Variants in RIGI observed in about 807,000 individuals in gnomAD.
RIGI encodes RNA sensor RIG-I.
At chr9:32,524,596 G>GTTTTTTTTTTTTTTTTT in the RIGI span, among the ~76,000 whole-genome samples, 21 of 67,582 alleles carry the variant, frequency 3.1e-4, 1 homozygote, top group Non-Finnish European at 4.2e-4. Flanking sequence ...TTGTTTTTCG[G>GTTTTTTTTTTTTTTTTT]TTTTTTTTTT....
chr9:32,496,555 T>C, the RIGI span, among the ~76,000 whole-genome samples: 1 of 152,330 alleles, frequency 6.6e-6, no homozygotes, highest in African/African-American at 2.4e-5. Flanking sequence ...GCCTTCAGAC[T>C]CTGAATTACA....
the RIGI span, chr9:32,459,269 T>A: frequency 1.5e-6 from 2 of 1,349,132 alleles, no homozygotes; most frequent in South Asian, 2.6e-5. Flanking sequence ...ATGGCCACAG[T>A]AACAATGGAA....
chr9:32,502,144 T>A, the RIGI span, among the ~76,000 whole-genome samples: 1 of 152,204 alleles, frequency 6.6e-6, no homozygotes, highest in African/African-American at 2.4e-5. Context: ...GCCTCTTACT[T>A]TGCATAATGT....
the RIGI span, chr9:32,494,074 G>T: frequency 1.5e-6 from 1 of 682,730 alleles, no homozygotes; most frequent in East Asian, 3.0e-5. Context: ...ACCCCCAATT[G>T]TCATTGATTT....
the RIGI span, among the ~76,000 whole-genome samples, chr9:32,465,896 T>C: frequency 6.6e-6 from 1 of 152,228 alleles, no homozygotes; most frequent in African/African-American, 2.4e-5. Context: ...AAGGTGTATA[T>C]CATTGTCCAC....
the RIGI span, among the ~76,000 whole-genome samples, chr9:32,524,741 T>C: frequency 2.6e-5 from 4 of 151,350 alleles, no homozygotes; most frequent in Non-Finnish European, 5.9e-5. Context: ...TAGCTGGGAC[T>C]ACAGGAGTGC....
chr9:32,513,400 GA>G, the RIGI span, among the ~76,000 whole-genome samples: 1 of 152,168 alleles, frequency 6.6e-6, no homozygotes, highest in African/African-American at 2.4e-5. Flanking sequence ...CAATGGAACA[GA>G]ACAGTCATCA....
At chr9:32,482,411 A>G in the RIGI span, among the ~76,000 whole-genome samples, 19,941 of 152,196 alleles carry the variant, frequency 0.13, 1,361 homozygotes, top group Middle Eastern at 0.3. Context: ...ATTCAAACCC[A>G]CATGTGTCAG....
chr9:32,517,366 T>C, the RIGI span, among the ~76,000 whole-genome samples: 209 of 152,348 alleles, frequency 1.4e-3, no homozygotes, highest in African/African-American at 4.8e-3. Flanking sequence ...TGTTGGATCT[T>C]TGTGTGTGTA....
chr9:32,473,962 AGG>A, the RIGI span, among the ~76,000 whole-genome samples: 2 of 152,216 alleles, frequency 1.3e-5, no homozygotes, highest in Admixed American at 1.3e-4. Flanking sequence ...GGGGAGGCAT[AGG>A]TTGCAGTGAG....
At chr9:32,459,447 T>C in the RIGI span, 5 of 1,613,812 alleles carry the variant, frequency 3.1e-6, no homozygotes, top group Non-Finnish European at 4.2e-6. Flanking sequence ...ATTTTCCTTA[T>C]CAGGTACAGG....
chr9:32,459,404 C>A, the RIGI span: 3 of 1,613,718 alleles, frequency 1.9e-6, no homozygotes, highest in Non-Finnish European at 1.7e-6. Flanking sequence ...TGTAACATGC[C>A]AAGGCTTTGC....
the RIGI span, chr9:32,493,944 T>A: frequency 1.3e-6 from 2 of 1,569,830 alleles, no homozygotes; most frequent in South Asian, 1.2e-5. Flanking sequence ...CAGAATAACC[T>A]GAAAAAAAAG....
the RIGI span, chr9:32,467,710 T>C: frequency 4.7e-6 from 7 of 1,496,898 alleles, no homozygotes; most frequent in Admixed American, 2.0e-5. Context: ...CATACACTTA[T>C]AAATCAGTCA....
At chr9:32,494,539 T>TA in the RIGI span, among the ~76,000 whole-genome samples, 30 of 152,250 alleles carry the variant, frequency 2.0e-4, no homozygotes, top group African/African-American at 7.0e-4. Context: ...AAAATTGTAG[T>TA]AAAAAACAGA....
At chr9:32,499,324 T>A in the RIGI span, among the ~76,000 whole-genome samples, 1 of 148,164 alleles carries the variant, frequency 6.7e-6, no homozygotes, top group African/African-American at 2.5e-5. Context: ...TTGTTTTTTT[T>A]TTTTTTTTTT....
At chr9:32,468,145 C>A in the RIGI span, among the ~76,000 whole-genome samples, 1 of 152,234 alleles carries the variant, frequency 6.6e-6, no homozygotes, top group African/African-American at 2.4e-5. Context: ...TCAGACTCTG[C>A]CACAAGACTG....
chr9:32,473,286 C>CTTTTTT, the RIGI span, among the ~76,000 whole-genome samples: 1 of 122,566 alleles, frequency 8.2e-6, no homozygotes, highest in Non-Finnish European at 1.6e-5. Context: ...ATCTCTAAGA[C>CTTTTTT]TTTTTTTTTT....
the RIGI span, chr9:32,500,729 T>C: frequency 6.5e-7 from 1 of 1,531,596 alleles, no homozygotes; most frequent in South Asian, 1.3e-5. Context: ...TCAAATTTAA[T>C]AGCTTTTCAC....
Sources: allele counts gnomAD v4.1 joint callset (sites outside exome capture counted in the v4.1 genomes callset), GRCh38; gene constraint gnomAD v4.1.1; transcripts MANE v1.5; gene names NCBI Gene and HGNC (gene_info 2026-07-23, HGNC 2026-07-21).